MTA3: variants seen among roughly 807,000 people sequenced by gnomAD.
MTA3 encodes the protein metastasis-associated protein MTA3.
MTA3 carries 34 observed loss-of-function variants against 83.5 expected under a neutral mutation model. That is an observed-to-expected ratio of 0.41 (90% CI 0.31 to 0.54). MTA3 has a LOEUF of 0.54. MTA3 is among the 20% of genes least tolerant of loss of function. The probability of loss-of-function intolerance (pLI) is 0.33; values close to 1 mark genes in which losing one functional copy is unlikely to be tolerated. For missense variants in MTA3, 761 were observed against 726.4 expected (o/e 1.05, Z -0.55); for synonymous variants, 303 against 252.7 (o/e 1.20, Z -1.89).
At chr2:42,543,647 ATT>A (rs57792480) in intron 2 of MTA3, among the ~76,000 whole-genome samples, 1,325 of 115,074 alleles carry the variant, frequency 0.012, 8 homozygotes, top group African/African-American at 0.041. Flanking sequence ...GAGGTTACTG[ATT>A]TTTTTTTTTT....
At chr2:42,705,886 A>G (rs943517458) in intron 12 of MTA3, among the ~76,000 whole-genome samples, 10 of 152,164 alleles carry the variant, frequency 6.6e-5, no homozygotes, top group African/African-American at 2.2e-4. Context: ...TTAATATAAG[A>G]TTTATCCTTA....
intron 4 of MTA3, among the ~76,000 whole-genome samples, chr2:42,616,499 A>G (rs1245247196): frequency 2.0e-5 from 3 of 147,912 alleles, no homozygotes; most frequent in Non-Finnish European, 3.0e-5. Flanking sequence ...TATGGGGTTT[A>G]CATTTAATTT....
intron 2 of MTA3, among the ~76,000 whole-genome samples, chr2:42,563,000 C>G (rs1279193779): frequency 2.6e-5 from 4 of 152,104 alleles, no homozygotes; most frequent in African/African-American, 7.2e-5. Flanking sequence ...CACCTCGTGC[C>G]TCCCTAGAGT....
At chr2:42,690,685 T>A (rs1265600457) in intron 9 of MTA3, among the ~76,000 whole-genome samples, 5 of 148,480 alleles carry the variant, frequency 3.4e-5, no homozygotes, top group African/African-American at 9.8e-5. Flanking sequence ...ATTTAATTTT[T>A]TTTTTTTTTT....
intron 2 of MTA3, among the ~76,000 whole-genome samples, chr2:42,548,846 A>ATATATATTAT: frequency 6.6e-5 from 1 of 15,064 alleles, no homozygotes; most frequent in African/African-American, 2.6e-4. Context: ...ATATATATAT[A>ATATATATTAT]ATATATATAT....
intron 4 of MTA3, among the ~76,000 whole-genome samples, chr2:42,618,898 A>G (rs1389311195): frequency 6.6e-6 from 1 of 152,204 alleles, no homozygotes; most frequent in African/African-American, 2.4e-5. Context: ...GGTGTGAGCC[A>G]GTGAGCCTGG....
chr2:42,653,825 C>T (rs2104351665), intron 6 of MTA3, among the ~76,000 whole-genome samples: 1 of 152,294 alleles, frequency 6.6e-6, no homozygotes, highest in South Asian at 2.1e-4. Flanking sequence ...GAGTATACAA[C>T]AGAAGGGGCT....
chr2:42,541,006 A>G (rs2103747236), intron 2 of MTA3, among the ~76,000 whole-genome samples: 1 of 151,868 alleles, frequency 6.6e-6, no homozygotes, highest in South Asian at 2.1e-4. Context: ...AAAGCCATAC[A>G]CATTCAGTGG....
chr2:42,543,540 A>T (rs547103226), intron 2 of MTA3, among the ~76,000 whole-genome samples: 2 of 152,222 alleles, frequency 1.3e-5, no homozygotes, highest in Non-Finnish European at 2.9e-5. Context: ...GCTGGAGAGC[A>T]GTGGCAATTA....
intron 3 of MTA3, among the ~76,000 whole-genome samples, chr2:42,591,133 C>G (rs1680941776): frequency 6.6e-6 from 1 of 152,200 alleles, no homozygotes; most frequent in South Asian, 2.1e-4. Flanking sequence ...CTATTACACA[C>G]CTAGGCTATG....
chr2:42,680,672 A>G (rs1340546985), intron 8 of MTA3, among the ~76,000 whole-genome samples: 3 of 152,210 alleles, frequency 2.0e-5, no homozygotes, highest in Non-Finnish European at 2.9e-5. Flanking sequence ...TGTACATGCT[A>G]TGGATGACTC....
chr2:42,643,654 T>A (rs1304500371), intron 5 of MTA3, among the ~76,000 whole-genome samples: 4 of 152,176 alleles, frequency 2.6e-5, no homozygotes, highest in Non-Finnish European at 5.9e-5. Flanking sequence ...ACTCATGCAG[T>A]TTAATGTGAG....
intron 4 of MTA3, among the ~76,000 whole-genome samples, chr2:42,630,162 A>C (rs1243013258): frequency 1.3e-5 from 2 of 152,158 alleles, no homozygotes; most frequent in East Asian, 3.9e-4. Context: ...CTCCCCATAC[A>C]CTTGATCTCT....
intron 16 of MTA3, among the ~76,000 whole-genome samples, chr2:42,748,195 ATGTGTTTGTGTGTGTGTG>A (rs1222139553): frequency 5.2e-5 from 3 of 57,594 alleles, no homozygotes; most frequent in African/African-American, 2.4e-4. Flanking sequence ...CATCCAGCTA[ATGTGTTTGTGTGTGTGTG>A]TGTGTGTGTG....
intron 14 of MTA3, among the ~76,000 whole-genome samples, chr2:42,716,838 G>T (rs1199916468): frequency 6.6e-6 from 1 of 152,076 alleles, no homozygotes; most frequent in Non-Finnish European, 1.5e-5. Context: ...ATTCCTTTGG[G>T]TATATATCCA....
intron 9 of MTA3, among the ~76,000 whole-genome samples, chr2:42,684,280 C>T (rs767328380): frequency 6.6e-6 from 1 of 152,114 alleles, no homozygotes; most frequent in Non-Finnish European, 1.5e-5. Flanking sequence ...TAGACCATTA[C>T]GTATTTGATG....
At chr2:42,498,049 C>T (rs1367607032) in intron 2 of MTA3, among the ~76,000 whole-genome samples, 1 of 152,220 alleles carries the variant, frequency 6.6e-6, no homozygotes, top group East Asian at 1.9e-4. Context: ...TTCGAGGACT[C>T]CAAACACCGT....
intron 2 of MTA3, among the ~76,000 whole-genome samples, chr2:42,495,834 C>G (rs1292821669): frequency 6.6e-6 from 1 of 152,058 alleles, no homozygotes; most frequent in African/African-American, 2.4e-5. Context: ...GAATGGGATC[C>G]CCAACCCCGT....
chr2:42,624,957 A>G (rs1685932152), intron 4 of MTA3, among the ~76,000 whole-genome samples: 1 of 152,202 alleles, frequency 6.6e-6, no homozygotes, highest in African/African-American at 2.4e-5. Context: ...GTTGCATACT[A>G]AAATTTTACA....
Sources: allele counts gnomAD v4.1 joint callset (sites outside exome capture counted in the v4.1 genomes callset), GRCh38; gene constraint gnomAD v4.1.1; transcripts MANE v1.5; gene names NCBI Gene and HGNC (gene_info 2026-07-23, HGNC 2026-07-21).